CTNNA2: variants seen among roughly 807,000 people sequenced by gnomAD.
CTNNA2 encodes catenin alpha-2.
A neutral mutation model predicts 101.0 loss-of-function variants in CTNNA2; 42 were observed. That is an observed-to-expected ratio of 0.42 (90% CI 0.32 to 0.54). The LOEUF is 0.54. Ranked by LOEUF, CTNNA2 falls within the 20% of genes least tolerant of loss-of-function variation. The probability of loss-of-function intolerance (pLI) is 0.14; values close to 1 mark genes in which losing one functional copy is unlikely to be tolerated. For missense variants in CTNNA2, 871 were observed against 1,223.1 expected (o/e 0.71, Z 4.29); for synonymous variants, 450 against 456.4 (o/e 0.99, Z 0.18).
At chr2:80,496,907 T>C (rs1000666300) in intron 9 of CTNNA2, among the ~76,000 whole-genome samples, 23 of 152,204 alleles carry the variant, frequency 1.5e-4, no homozygotes, top group Admixed American at 1.4e-3. Context: ...TTTAAAGGAC[T>C]ATTAATCCCC....
chr2:79,343,378 T>G (rs1677182810), intron 3 of CTNNA2, among the ~76,000 whole-genome samples: 1 of 152,204 alleles, frequency 6.6e-6, no homozygotes, highest in African/African-American at 2.4e-5. Flanking sequence ...GTGTAAAAAG[T>G]ATCCATTTTG....
At chr2:79,666,350 AATTT>A (rs1682417531) in intron 2 of CTNNA2, among the ~76,000 whole-genome samples, 1 of 152,160 alleles carries the variant, frequency 6.6e-6, no homozygotes, top group Non-Finnish European at 1.5e-5. Flanking sequence ...AAAGTTGCCA[AATTT>A]ATTTTCTTTT....
chr2:79,479,973 G>T (rs1329658113), intron 4 of CTNNA2, among the ~76,000 whole-genome samples: 1 of 152,086 alleles, frequency 6.6e-6, no homozygotes, highest in African/African-American at 2.4e-5. Context: ...AAGAAAAGAG[G>T]TTTATTTGGC....
intron 7 of CTNNA2, among the ~76,000 whole-genome samples, chr2:79,919,294 C>A (rs1317712798): frequency 6.6e-6 from 1 of 152,072 alleles, no homozygotes; most frequent in African/African-American, 2.4e-5. Flanking sequence ...TTCCTGGTAA[C>A]AGAATGGAAA....
At chr2:79,347,293 C>G (rs985427326) in intron 3 of CTNNA2, among the ~76,000 whole-genome samples, 1 of 152,060 alleles carries the variant, frequency 6.6e-6, no homozygotes, top group African/African-American at 2.4e-5. Flanking sequence ...CTTAAAGTCT[C>G]GAGCAGGAAG....
chr2:80,380,205 T>G (rs1195348212), intron 7 of CTNNA2, among the ~76,000 whole-genome samples: 1 of 151,766 alleles, frequency 6.6e-6, no homozygotes, highest in Non-Finnish European at 1.5e-5. Context: ...CCCGGCTAAT[T>G]TTTTGTATTT....
At chr2:80,589,149 C>T (rs1162205759) in intron 14 of CTNNA2, among the ~76,000 whole-genome samples, 155 bp from the exon 15 acceptor site, 1 of 152,084 alleles carries the variant, frequency 6.6e-6, no homozygotes, top group African/African-American at 2.4e-5. Context: ...TGCTCGTGGC[C>T]TCCCTGGAAT....
intron 7 of CTNNA2, among the ~76,000 whole-genome samples, chr2:80,063,773 A>G (rs1697774980): frequency 6.6e-6 from 1 of 152,250 alleles, no homozygotes; most frequent in South Asian, 2.1e-4. Flanking sequence ...TTGAGCTTCA[A>G]CACTGAATTT....
intron 7 of CTNNA2, among the ~76,000 whole-genome samples, chr2:80,171,261 A>G (rs1286447160): frequency 6.6e-6 from 1 of 152,242 alleles, no homozygotes; most frequent in Non-Finnish European, 1.5e-5. Context: ...AGGCTCATGC[A>G]ATGGCCGGAA....
At chr2:80,254,330 C>T (rs999271265) in intron 7 of CTNNA2, among the ~76,000 whole-genome samples, 1 of 152,062 alleles carries the variant, frequency 6.6e-6, no homozygotes, top group African/African-American at 2.4e-5. Context: ...TCAGAAAAAG[C>T]TTGCTGAAAT....
chr2:79,287,512 C>T (rs1168456290), intron 2 of CTNNA2, among the ~76,000 whole-genome samples: 2 of 150,918 alleles, frequency 1.3e-5, no homozygotes, highest in African/African-American at 4.9e-5. Flanking sequence ...GAGTACCCGG[C>T]CGTGTGAGGT....
chr2:80,589,411 C>T lies in CTNNA2; in HGVS notation c.2115C>T (p.Asp705=), dbSNP rs758637574. The change falls in exon 15 of 19, where the codon GAC becomes GAT. Residue 705 remains aspartate, a synonymous_variant. Coordinates refer to ENST00000402739, the MANE Select transcript of CTNNA2 (RefSeq NM_001282597.3). ...SKLDAEVAKW[D]DSGNDIIVLA... ...TGGATGCAGAAGTGGCCAAATGGGA[C>T]GACAGCGGCAATGATATCATTGTAC... 3.8e-5 allele frequency: 62 copies of T among 1,613,888 alleles called. No homozygotes were observed. The highest frequency in any genetic ancestry group is 3.2e-4 in the Admixed American group (19 of 59,976).
chr2:79,647,769 C>A (rs745534592), intron 1 of CTNNA2, among the ~76,000 whole-genome samples: 2 of 152,178 alleles, frequency 1.3e-5, no homozygotes, highest in Non-Finnish European at 2.9e-5. Flanking sequence ...ATGCAACATA[C>A]AACAGCAGGC....
intron 1 of CTNNA2, among the ~76,000 whole-genome samples, chr2:79,548,898 A>G (rs1193025174): frequency 6.6e-6 from 1 of 152,094 alleles, no homozygotes; most frequent in Admixed American, 6.6e-5. Context: ...TCTGTTCATC[A>G]TGTACCCAAC....
At chr2:79,847,299 C>T (rs1029631679) in intron 3 of CTNNA2, among the ~76,000 whole-genome samples, 1 of 152,002 alleles carries the variant, frequency 6.6e-6, no homozygotes, top group Non-Finnish European at 1.5e-5. Flanking sequence ...AATCCCAGCA[C>T]TTTGGGAGGC....
At chr2:79,572,062 T>C (rs149536935) in intron 1 of CTNNA2, among the ~76,000 whole-genome samples, 1 of 152,328 alleles carries the variant, frequency 6.6e-6, no homozygotes, top group African/African-American at 2.4e-5. Context: ...TATTGTTTTA[T>C]TGAACTTTAG....
chr2:80,341,488 G>T (rs998034041), intron 7 of CTNNA2, among the ~76,000 whole-genome samples: 1 of 152,106 alleles, frequency 6.6e-6, no homozygotes, highest in Non-Finnish European at 1.5e-5. Flanking sequence ...CATGCAAATG[G>T]CTAATAAGCA....
intron 1 of CTNNA2, among the ~76,000 whole-genome samples, chr2:79,191,156 A>T (rs184755328): frequency 6.2e-4 from 94 of 152,284 alleles, no homozygotes; most frequent in African/African-American, 2.1e-3. Flanking sequence ...AAAGTGTGGG[A>T]CTGGGCGGGA....
At chr2:79,854,519 A>T (rs979476686) in intron 3 of CTNNA2, among the ~76,000 whole-genome samples, 1 of 152,222 alleles carries the variant, frequency 6.6e-6, no homozygotes, top group Non-Finnish European at 1.5e-5. Context: ...CGAGATCTGA[A>T]CCCAGGTCAA....
Sources: gnomAD v4.1 joint callset for allele counts (sites outside exome capture counted in the v4.1 genomes callset) on GRCh38, gnomAD v4.1.1 for gene constraint, MANE v1.5 for transcripts, NCBI Gene and HGNC (gene_info 2026-07-23, HGNC 2026-07-21) for gene names.